Variants in MYO16 observed in about 807,000 individuals in gnomAD.
MYO16 encodes unconventional myosin-XVI.
Under a neutral mutation model 205.3 loss-of-function variants are expected in MYO16, and 94 were observed. That is an observed-to-expected ratio of 0.46 (90% CI 0.39 to 0.54). The LOEUF is 0.54. MYO16 is among the 20% of genes least tolerant of loss of function. The pLI, the probability that MYO16 is intolerant of heterozygous loss-of-function variation, is 0.00. For synonymous variants in MYO16, 988 were observed against 954.0 expected (o/e 1.04, Z -0.66); for missense variants, 2,315 against 2,387.5 (o/e 0.97, Z 0.63).
chr13:108,957,276 C>T (rs1883392752), intron 16 of MYO16, among the ~76,000 whole-genome samples: 2 of 145,756 alleles, frequency 1.4e-5, no homozygotes, highest in African/African-American at 5.1e-5. Flanking sequence ...CCCAGCTAGT[C>T]AAGAGGTTGA....
the MYO16 span, among the ~76,000 whole-genome samples, chr13:108,523,699 C>A: frequency 6.6e-6 from 1 of 152,204 alleles, no homozygotes; most frequent in Non-Finnish European, 1.5e-5. Context: ...TTTAACCCTG[C>A]ACCACATGCA....
chr13:108,740,060 G>T (rs964572133), intron 4 of MYO16, among the ~76,000 whole-genome samples: 5 of 152,090 alleles, frequency 3.3e-5, no homozygotes, highest in African/African-American at 1.2e-4. Context: ...GAGGTTTTTA[G>T]CTTCTTTGTG....
At chr13:108,676,911 TCCC>T (rs1465020283) in intron 2 of MYO16, among the ~76,000 whole-genome samples, 2 of 152,010 alleles carry the variant, frequency 1.3e-5, no homozygotes, top group Non-Finnish European at 2.9e-5. Flanking sequence ...TGCGGAGCCC[TCCC>T]CGACATCCTC....
At chr13:108,715,305 A>G (rs2139557605) in intron 3 of MYO16, among the ~76,000 whole-genome samples, 1 of 152,302 alleles carries the variant, frequency 6.6e-6, no homozygotes, top group East Asian at 1.9e-4. Flanking sequence ...AACGTGATCT[A>G]AAGGAGCAGC....
Position 108,661,841 on chromosome 13 carries a change from T to C in MYO16, c.29-4045T>C, listed in dbSNP as rs528502321. ...ATTGCTGATGAACTAACGTGATTTT[T>C]TTGGGATGTTGAAGAGCCTTGTTTT... On this transcript the variant is annotated intron_variant, in intron 1 of 34. Transcript: ENST00000457511. 3.3e-5 allele frequency among the ~76,000 whole-genome samples: 5 copies of C among 152,298 alleles called. 1 individual carries two copies. Among genetic ancestry groups the C allele is most frequent in the African/African-American group, 1.2e-4 (5 of 41,556 alleles).
chr13:109,072,319 A>G (rs571241455), intron 27 of MYO16, among the ~76,000 whole-genome samples: 155 of 152,256 alleles, frequency 1.0e-3, no homozygotes, highest in African/African-American at 3.7e-3. Context: ...TTTGGAATAA[A>G]GATTTGCTCT....
chr13:108,630,204 G>GGCAC (rs1161747784), intron 1 of MYO16, among the ~76,000 whole-genome samples: 1 of 150,214 alleles, frequency 6.7e-6, no homozygotes, highest in African/African-American at 2.4e-5. Flanking sequence ...TTTGCTCATT[G>GGCAC]GCACATGTTA....
intron 3 of MYO16, among the ~76,000 whole-genome samples, chr13:108,721,178 ACTG>A (rs1003984190): frequency 2.0e-5 from 3 of 152,222 alleles, no homozygotes; most frequent in Non-Finnish European, 4.4e-5. Context: ...GAAGCTGTGA[ACTG>A]CTGATGCTGT....
chr13:109,198,212 A>C (rs993337282), intron 34 of MYO16, among the ~76,000 whole-genome samples: 1 of 152,242 alleles, frequency 6.6e-6, no homozygotes, highest in African/African-American at 2.4e-5. Flanking sequence ...CTAGCTTGAA[A>C]TATAGATATT....
chr13:109,117,493 TA>T (rs1217512215), intron 28 of MYO16, among the ~76,000 whole-genome samples: 82 of 148,272 alleles, frequency 5.5e-4, no homozygotes, highest in African/African-American at 2.0e-3. Flanking sequence ...TATATATATG[TA>T]ATATATATGT....
chr13:108,653,946 A>G (rs1881127314), intron 1 of MYO16, among the ~76,000 whole-genome samples: 1 of 152,200 alleles, frequency 6.6e-6, no homozygotes, highest in African/African-American at 2.4e-5. Context: ...AGAAAAGAGC[A>G]GAAAAACTAT....
At chr13:109,023,083 C>A (rs1229725254) in intron 23 of MYO16, among the ~76,000 whole-genome samples, 2 of 130,188 alleles carry the variant, frequency 1.5e-5, no homozygotes, top group Non-Finnish European at 3.1e-5. Flanking sequence ...ATTATATATA[C>A]ACATGTAAAT....
At chr13:109,180,294 T>C (rs183778222) in intron 34 of MYO16, among the ~76,000 whole-genome samples, 5 of 152,330 alleles carry the variant, frequency 3.3e-5, no homozygotes, top group Non-Finnish European at 7.3e-5. Context: ...TGAAAGAATT[T>C]ATATTATAGA....
chr13:109,033,926 C>T (rs1272014681), intron 23 of MYO16, among the ~76,000 whole-genome samples: 1 of 152,276 alleles, frequency 6.6e-6, no homozygotes, highest in South Asian at 2.1e-4. Flanking sequence ...AACTTGGACC[C>T]TCCTCCTGCC....
chr13:109,178,138 C>T (rs1361897269), intron 33 of MYO16, among the ~76,000 whole-genome samples: 2 of 152,186 alleles, frequency 1.3e-5, no homozygotes, highest in Non-Finnish European at 2.9e-5. Flanking sequence ...ACACTCCCTT[C>T]CGCCTGTGTG....
At chr13:108,762,716 A>G (rs890012373) in intron 4 of MYO16, among the ~76,000 whole-genome samples, 1 of 152,216 alleles carries the variant, frequency 6.6e-6, no homozygotes, top group African/African-American at 2.4e-5. Context: ...AAATGCAACT[A>G]CATTCTGGAA....
At chr13:108,785,158 GA>G (rs1044673312) in intron 4 of MYO16, among the ~76,000 whole-genome samples, 5 of 152,202 alleles carry the variant, frequency 3.3e-5, no homozygotes, top group African/African-American at 2.4e-5. Flanking sequence ...CGTAGTGTGA[GA>G]AGAGCTCCCA....
At position 108,786,246 on chromosome 13, in the gene MYO16, A is replaced by G. The variant is rs1249604490; in HGVS notation, c.616+503A>G. On this transcript the variant is annotated intron_variant, in intron 5 of 34. Coordinates refer to ENST00000457511, the MANE Select transcript of MYO16 (RefSeq NM_001198950.3). ...ACAAAGGTCATCAGAAGAAAGCCCT[A>G]TGGCCATGATGCTAGCCTGAAAAGA... Among the ~76,000 whole-genome samples, 4 of 152,344 alleles carry G rather than the reference A, an allele frequency of 2.6e-5. No individual in the cohort carries two copies. The East Asian group carries it at 7.7e-4, about 29-fold the overall frequency.
chr13:108,903,422 C>T (rs189016468), intron 15 of MYO16, among the ~76,000 whole-genome samples: 239 of 152,130 alleles, frequency 1.6e-3, no homozygotes, highest in African/African-American at 5.4e-3. Flanking sequence ...AGAATGTATC[C>T]ACTGAAGGTA....
Sources: allele counts gnomAD v4.1 joint callset (sites outside exome capture counted in the v4.1 genomes callset), GRCh38; gene constraint gnomAD v4.1.1; transcripts MANE v1.5; gene names NCBI Gene and HGNC (gene_info 2026-07-23, HGNC 2026-07-21).